The following JAML variants were observed in gnomAD, a reference collection of about 807,000 sequenced individuals.
JAML encodes the protein junctional adhesion molecule-like.
JAML carries 25 observed loss-of-function variants against 39.3 expected under a neutral mutation model. The observed-to-expected ratio is 0.64, with a 90% CI of 0.46 to 0.89. The LOEUF (loss-of-function observed/expected upper bound fraction) is 0.89, where lower values mean the gene tolerates loss of function less well. JAML is among the 40% of genes least tolerant of loss of function. The probability of loss-of-function intolerance (pLI) is 0.00; values close to 1 mark genes in which losing one functional copy is unlikely to be tolerated. For missense variants in JAML, 440 were observed against 486.9 expected (o/e 0.90, Z 0.91); for synonymous variants, 162 against 179.2 (o/e 0.90, Z 0.77).
At chr11:118,196,679 C>A in intron 9 of JAML, 56 bp downstream of exon 9, 2 of 1,503,948 alleles carry the variant, frequency 1.3e-6, no homozygotes, top group Admixed American at 3.3e-5. Flanking sequence ...ACGCCCACCA[C>A]CACCACCACC....
At chr11:118,201,985 G>A (rs1442980944) in intron 6 of JAML, 1 of 151,588 alleles carries the variant, frequency 6.6e-6, no homozygotes, top group East Asian at 1.9e-4. Flanking sequence ...ATCCATGGGT[G>A]TGTGTGGAAC....
rs1055104675 is a variant in JAML at position 118,222,925 on chromosome 11, T to C, written c.-21+2016A>G. On this transcript the variant is annotated intron_variant, in intron 1 of 9. Transcript: ENST00000356289. This position sits in a 1 kb window ranked among gnomAD's most constrained non-coding sequence, Gnocchi z 4.2. ...GCCTGGCCAACATGGCAAAACCCCG[T>C]CTCTACTAAAAATACAAAAATTAAT... 1.3e-5 allele frequency among the ~76,000 whole-genome samples: 2 copies of C among 151,898 alleles called. No homozygotes were observed. The highest frequency in any genetic ancestry group is 1.9e-4 in the East Asian group (1 of 5,186).
At chr11:118,206,025 A>G in intron 4 of JAML, 34 bp from the exon 5 acceptor site, 1 of 1,550,196 alleles carries the variant, frequency 6.5e-7, no homozygotes, top group Non-Finnish European at 8.9e-7. Context: ...GTCAGACTCA[A>G]GTTATAATCT....
chr11:118,224,888 C>T (rs1367055016), intron 1 of JAML, 53 bp downstream of exon 1: 1 of 152,186 alleles, frequency 6.6e-6, no homozygotes, highest in Non-Finnish European at 1.5e-5. Flanking sequence ...TGGCACACTT[C>T]TGTGTGAGAA....
intron 8 of JAML, chr11:118,197,339 A>T (rs1221205577): frequency 6.6e-6 from 1 of 152,662 alleles, no homozygotes; most frequent in Non-Finnish European, 1.5e-5. Context: ...CTCTTGGGAC[A>T]AAAACAGCCC....
At chr11:118,212,912 T>A (rs1300341349) in intron 2 of JAML, 1 of 1,614,118 alleles carries the variant, frequency 6.2e-7, no homozygotes, top group Non-Finnish European at 8.5e-7. Context: ...CACCTCCACT[T>A]ACCATAACGA....
At chr11:118,212,303 T>C in intron 3 of JAML, 104 bp downstream of exon 3, 1 of 1,422,214 alleles carries the variant, frequency 7.0e-7, no homozygotes. Context: ...CCCCGGCTCT[T>C]GCAACACCTC....
chr11:118,210,780 A>T, intron 3 of JAML, 68 bp from the exon 4 acceptor site: 2 of 1,326,824 alleles, frequency 1.5e-6, no homozygotes, highest in Middle Eastern at 1.9e-4. Context: ...GATCCCAAAG[A>T]CTCTGTTATG....
intron 7 of JAML, 59 bp from the exon 8 acceptor site, chr11:118,198,150 C>T: frequency 7.1e-7 from 1 of 1,403,738 alleles, no homozygotes; most frequent in Non-Finnish European, 1.0e-6. Context: ...TCAAGGGTCC[C>T]TACATGAGAT....
chr11:118,206,021 C>A, intron 4 of JAML, 30 bp from the exon 5 acceptor site: 1 of 1,559,548 alleles, frequency 6.4e-7, no homozygotes, highest in South Asian at 1.1e-5. Context: ...TCAAGTCAGA[C>A]TCAAGTTATA....
Position 118,210,526 on chromosome 11 carries a change from T to C in JAML, c.385A>G (p.Lys129Glu). 6.2e-7 allele frequency: 1 copy of C among 1,614,160 alleles called. No individual in the cohort carries two copies. Reference sequence around the variant, plus strand: ...GGAAGCACATGCAGTACCACCGCCTTCTTGAACACCTGGCTCTCCCCTTTG... The same window carrying C: ...GGAAGCACATGCAGTACCACCGCCTCCTTGAACACCTGGCTCTCCCCTTTG... ...RLKGESQVFK[K>E]AVVLHVLPEE... The change falls in exon 4 of 10, where the codon AAG becomes GAG. Residue 129 changes from lysine to glutamate, a missense_variant. Transcript: ENST00000356289.
At chr11:118,196,688 C>T (rs777565311) in intron 9 of JAML, 47 bp downstream of exon 9, 7 of 1,534,246 alleles carry the variant, frequency 4.6e-6, no homozygotes, top group Non-Finnish European at 6.3e-6. Context: ...ACCACCACCA[C>T]CTGAGCCTCT....
chr11:118,196,834 A>T lies in JAML; in HGVS notation c.1006-13T>A. 1.3e-6 allele frequency: 2 copies of T among 1,588,544 alleles called. No individual in the cohort carries two copies. Among genetic ancestry groups the T allele is most frequent in the Non-Finnish European group, 1.7e-6 (2 of 1,156,782 alleles). On this transcript the variant is annotated splice_polypyrimidine_tract_variant and intron_variant, in intron 8 of 9. Coordinates refer to ENST00000356289, the MANE Select transcript of JAML (RefSeq NM_001098526.2). ...AGTAAATGTGTTTCTAGAGGGGGAA[A>T]ATGGTACAAAAATTCCTAAAAATTA...
At chr11:118,206,236 C>A (rs1356721326) in intron 4 of JAML, among the ~76,000 whole-genome samples, 1 of 152,140 alleles carries the variant, frequency 6.6e-6, no homozygotes, top group Non-Finnish European at 1.5e-5. Context: ...ATGAGAATAC[C>A]CTCTAGCTGC....
At chr11:118,197,418 TAAAG>T (rs1217212035) in intron 8 of JAML, 1 of 152,528 alleles carries the variant, frequency 6.6e-6, no homozygotes, top group Non-Finnish European at 1.5e-5. Flanking sequence ...GAATAGGAGT[TAAAG>T]AAAACCAATC....
chr11:118,214,711 T>G, intron 2 of JAML, 113 bp downstream of exon 2: 1 of 1,102,828 alleles, frequency 9.1e-7, no homozygotes. Context: ...CACATTAGGG[T>G]TTCCATCTTC....
In JAML at chr11:118,212,366, T is replaced by C. The variant is rs201966407; in HGVS notation, c.198+41A>G. The C allele has an allele frequency of 1.2e-4, 193 of 1,603,942 alleles. No individual in the cohort carries two copies. The East Asian group carries it at 2.5e-3, about 21-fold the overall frequency. On this transcript the variant is annotated intron_variant, in intron 3 of 9. Transcript: ENST00000356289. ...CACCACTCTGTCCTGACACCAGCAG[T>C]CAGGGGCTTCTATTACATAGTGATG...
chr11:118,214,991 T>C, intron 1 of JAML, 105 bp from the exon 2 acceptor site: 1 of 957,440 alleles, frequency 1.0e-6, no homozygotes, highest in Non-Finnish European at 1.6e-6. Context: ...TTTGAGACAC[T>C]GGTATGCAGC....
At chr11:118,213,170 G>T in intron 2 of JAML, 1 of 1,395,540 alleles carries the variant, frequency 7.2e-7, no homozygotes, top group Non-Finnish European at 9.3e-7. Flanking sequence ...CCAGCCTCTA[G>T]GTGCTTCACA....
Sources: gnomAD v4.1 joint callset for allele counts (sites outside exome capture counted in the v4.1 genomes callset) on GRCh38, gnomAD v4.1.1 for gene constraint, Gnocchi (gnomAD v3.1) non-coding constraint, MANE v1.5 for transcripts, NCBI Gene and HGNC (gene_info 2026-07-23, HGNC 2026-07-21) for gene names.